The following SORCS1 variants were observed in gnomAD, a reference collection of about 807,000 sequenced individuals.
SORCS1 encodes sortilin related VPS10 domain containing receptor 1.
In SORCS1, 60 loss-of-function variants were observed where a neutral mutation model predicts 146.1. The observed-to-expected ratio is 0.41, with a 90% CI of 0.33 to 0.51. SORCS1 has a LOEUF of 0.51. SORCS1 is among the 20% of genes least tolerant of loss of function. The pLI is 0.21. For missense variants in SORCS1, 1,352 were observed against 1,487.6 expected, an observed-to-expected ratio of 0.91 and a Z score of 1.50; for synonymous variants, 637 against 584.0, an observed-to-expected ratio of 1.09 and a Z score of -1.31.
At chr10:107,001,770 A>C (rs886775965) in intron 1 of SORCS1, among the ~76,000 whole-genome samples, 7 of 152,202 alleles carry the variant, frequency 4.6e-5, no homozygotes, top group Non-Finnish European at 7.3e-5. Flanking sequence ...AGCTGAAATA[A>C]ACTGTTTATA....
At chr10:106,953,748 GGTA>G (rs1361953698) in intron 2 of SORCS1, among the ~76,000 whole-genome samples, 1 of 152,078 alleles carries the variant, frequency 6.6e-6, no homozygotes, top group East Asian at 1.9e-4. Context: ...GTAACATCAT[GGTA>G]TTTGTGTATC....
chr10:106,916,563 T>C (rs1305991504), intron 2 of SORCS1, among the ~76,000 whole-genome samples: 1 of 135,596 alleles, frequency 7.4e-6, no homozygotes, highest in Non-Finnish European at 1.6e-5. Flanking sequence ...TATATAATTG[T>C]GTGCATATAT....
rs1290269210 is a variant in SORCS1, at chr10:106,636,691, AT to A, written c.2476-7304del. On this transcript the variant is annotated intron_variant, in intron 18 of 25. Coordinates refer to ENST00000263054, the MANE Select transcript of SORCS1 (RefSeq NM_052918.5). ...CCAGGTCCTTCCCTCGACACTGGGG[AT>A]TATAGGGATTACATTTTAAGATGAG... Among the ~76,000 whole-genome samples the A allele has an allele frequency of 2.0e-5, 3 of 152,312 alleles. No individual in the cohort carries two copies. The East Asian group carries it at 5.8e-4, about 29-fold the overall frequency.
rs147397304 is a variant in SORCS1 at position 106,978,949 on chromosome 10, T to C, written c.559-22369A>G. On this transcript the variant is annotated intron_variant, in intron 1 of 25. Coordinates refer to ENST00000263054, the MANE Select transcript of SORCS1 (RefSeq NM_052918.5). ...ATGGCTATGTTCCAAGAAAACTTTA[T>C]TTACAAAACAGGCAATGAGCCAGAT... 1.5e-3 allele frequency among the ~76,000 whole-genome samples: 229 copies of C among 152,300 alleles called. 8 individuals carry two copies. In the East Asian group the frequency reaches 0.04, roughly 26 times the overall value.
At chr10:106,733,934 G>A (rs992557987) in intron 5 of SORCS1, among the ~76,000 whole-genome samples, 4 of 152,090 alleles carry the variant, frequency 2.6e-5, no homozygotes, top group Admixed American at 6.6e-5. Context: ...ACTCCCAAAG[G>A]CAAGTGTTCT....
intron 3 of SORCS1, among the ~76,000 whole-genome samples, chr10:106,807,412 A>G (rs575824186): frequency 3.3e-5 from 5 of 152,292 alleles, no homozygotes; most frequent in Admixed American, 6.5e-5. Flanking sequence ...GGGACTCCCA[A>G]TTACATCTCT....
At chr10:107,109,583 C>T (rs1965544071) in intron 1 of SORCS1, among the ~76,000 whole-genome samples, 2 of 152,254 alleles carry the variant, frequency 1.3e-5, no homozygotes, top group Middle Eastern at 3.4e-3. Flanking sequence ...TCCACTTAGA[C>T]CTCTGGGCCT....
intron 2 of SORCS1, among the ~76,000 whole-genome samples, chr10:106,917,762 G>T (rs569550134): frequency 6.6e-6 from 1 of 152,294 alleles, no homozygotes; most frequent in African/African-American, 2.4e-5. Context: ...TTGCAAGGTG[G>T]CTTGGCAATC....
intron 1 of SORCS1, among the ~76,000 whole-genome samples, chr10:107,024,219 T>G (rs1473205482): frequency 6.7e-6 from 1 of 150,032 alleles, no homozygotes; most frequent in Non-Finnish European, 1.5e-5. Flanking sequence ...ATTTGGCCCC[T>G]GGTTCTGAAG....
At chr10:106,755,374 G>C (rs1044463288) in intron 5 of SORCS1, among the ~76,000 whole-genome samples, 1 of 152,118 alleles carries the variant, frequency 6.6e-6, no homozygotes, top group Non-Finnish European at 1.5e-5. Context: ...TCACTTTTCT[G>C]TTTCATCAGA....
At chr10:106,883,022 G>A (rs536767045) in intron 2 of SORCS1, among the ~76,000 whole-genome samples, 12 of 152,338 alleles carry the variant, frequency 7.9e-5, no homozygotes, top group Non-Finnish European at 1.5e-4. Flanking sequence ...TATGATTGCA[G>A]AAATGATTGT....
At chr10:106,927,386 G>GTC (rs1953107636) in intron 2 of SORCS1, among the ~76,000 whole-genome samples, 2 of 152,114 alleles carry the variant, frequency 1.3e-5, no homozygotes, top group African/African-American at 4.8e-5. Context: ...TGGGTTCGTG[G>GTC]TCTCGTTGGC....
At chr10:107,131,847 A>T (rs186471060) in intron 1 of SORCS1, among the ~76,000 whole-genome samples, 18 of 152,340 alleles carry the variant, frequency 1.2e-4, no homozygotes, top group African/African-American at 3.4e-4. Flanking sequence ...TCCACTTTAC[A>T]GACTGAGCAG....
intron 2 of SORCS1, among the ~76,000 whole-genome samples, chr10:106,835,264 T>C (rs1007258760): frequency 6.6e-6 from 1 of 152,236 alleles, no homozygotes; most frequent in African/African-American, 2.4e-5. Flanking sequence ...ACTATAATCT[T>C]ATGCCATCAA....
chr10:107,141,248 G>A (rs1304774630), intron 1 of SORCS1, among the ~76,000 whole-genome samples: 1 of 152,182 alleles, frequency 6.6e-6, no homozygotes, highest in Non-Finnish European at 1.5e-5. Flanking sequence ...AACCCCCTGG[G>A]CTAAGTTTTA....
At chr10:106,604,727 C>T (rs1846456828) in intron 23 of SORCS1, among the ~76,000 whole-genome samples, 1 of 152,106 alleles carries the variant, frequency 6.6e-6, no homozygotes, top group African/African-American at 2.4e-5. Context: ...TTCCCATCAT[C>T]CTCTCTTCCA....
intron 5 of SORCS1, among the ~76,000 whole-genome samples, chr10:106,760,221 G>A (rs146025167): frequency 1.3e-5 from 2 of 151,932 alleles, no homozygotes; most frequent in African/African-American, 4.8e-5. Context: ...GAGGTGGGGG[G>A]ATCTTGAGGT....
intron 2 of SORCS1, among the ~76,000 whole-genome samples, chr10:106,937,458 A>G (rs1368649674): frequency 1.3e-5 from 2 of 151,890 alleles, no homozygotes; most frequent in Non-Finnish European, 2.9e-5. Flanking sequence ...AATTGCAGAC[A>G]TGAGTCACTG....
intron 5 of SORCS1, among the ~76,000 whole-genome samples, chr10:106,742,064 A>T (rs948330027): frequency 6.6e-6 from 1 of 152,208 alleles, no homozygotes; most frequent in African/African-American, 2.4e-5. Flanking sequence ...TCAACTGAGA[A>T]GGAAAAGAGA....
Sources: gnomAD v4.1 joint callset for allele counts (sites outside exome capture counted in the v4.1 genomes callset) on GRCh38, gnomAD v4.1.1 for gene constraint, MANE v1.5 for transcripts, NCBI Gene and HGNC (gene_info 2026-07-23, HGNC 2026-07-21) for gene names.